NPAS3: variants seen among roughly 807,000 people sequenced by gnomAD.
The protein encoded by NPAS3 is neuronal PAS domain protein 3.
Under a neutral mutation model 73.1 loss-of-function variants are expected in NPAS3, and 14 were observed. The ratio of observed to expected loss-of-function variants is 0.19; its 90% confidence interval spans 0.13 to 0.30. NPAS3 has a LOEUF of 0.30. Among genes scored for constraint, NPAS3 ranks in the 10% least tolerant of loss-of-function variants. The pLI is 1.00. For synonymous variants in NPAS3, 620 were observed against 541.5 expected, an observed-to-expected ratio of 1.14 and a Z score of -2.01; for missense variants, 1,096 against 1,250.0, an observed-to-expected ratio of 0.88 and a Z score of 1.86.
intron 5 of NPAS3, among the ~76,000 whole-genome samples, chr14:33,656,219 G>A (rs74042361): frequency 4.0e-4 from 61 of 152,320 alleles, no homozygotes; most frequent in African/African-American, 1.4e-3. Flanking sequence ...ATTAAGTACT[G>A]TGCTAACTGT....
intron 2 of NPAS3, among the ~76,000 whole-genome samples, chr14:33,111,396 G>A (rs1341244110): frequency 6.6e-6 from 1 of 152,108 alleles, no homozygotes; most frequent in African/African-American, 2.4e-5. Flanking sequence ...AAGAATCCAG[G>A]CTTTTACAAA....
At chr14:32,952,574 C>T (rs1396297025) in intron 1 of NPAS3, among the ~76,000 whole-genome samples, 1 of 151,884 alleles carries the variant, frequency 6.6e-6, no homozygotes, top group Non-Finnish European at 1.5e-5. Context: ...AACAATGTCT[C>T]ATAGTGACAT....
At chr14:33,437,722 A>G (rs1566902691) in intron 4 of NPAS3, among the ~76,000 whole-genome samples, 3 of 152,224 alleles carry the variant, frequency 2.0e-5, no homozygotes, top group Admixed American at 6.5e-5. Flanking sequence ...CTTGTAGCCC[A>G]CATAGACACT....
chr14:32,994,630 G>GTTTTTT lies in NPAS3; in HGVS notation c.50+55269_50+55270insTTTTTT, dbSNP rs777136450. 4.5e-3 allele frequency among the ~76,000 whole-genome samples: 552 copies of GTTTTTT among 123,346 alleles called. 16 individuals carry two copies. The highest frequency in any genetic ancestry group is 8.3e-3 in the Middle Eastern group (2 of 242). 80.9% of individuals were successfully genotyped at this position (123,346 alleles called of 152,430 possible). On this transcript the variant is annotated intron_variant, in intron 1 of 11. Transcript: ENST00000356141. The stretch of plus-strand genomic sequence containing the variant: ...ATTCTAGTTTTTTGTTTGTTTGTTT[G>GTTTTTT]TTTTTGTTTTTTTTTTTTTGAGACA...
chr14:33,630,439 A>G (rs1231062988), intron 5 of NPAS3, among the ~76,000 whole-genome samples: 1 of 152,216 alleles, frequency 6.6e-6, no homozygotes, highest in Non-Finnish European at 1.5e-5. Context: ...TATCCCACTG[A>G]GATGTTTGAG....
chr14:33,634,530 G>A (rs922536123), intron 5 of NPAS3, among the ~76,000 whole-genome samples: 3 of 152,154 alleles, frequency 2.0e-5, no homozygotes, highest in African/African-American at 4.8e-5. Context: ...AAAAGAAGGC[G>A]GGCAGGGGGT....
chr14:33,177,109 T>TATC lies in NPAS3; in HGVS notation c.141-38072_141-38070dup, dbSNP rs1555350304. Among the ~76,000 whole-genome samples the TATC allele has an allele frequency of 2.3e-3, 334 of 145,174 alleles. 2 individuals carry two copies. Among genetic ancestry groups the TATC allele is most frequent in the African/African-American group, 7.8e-3 (303 of 39,040 alleles). The stretch of plus-strand genomic sequence containing the variant: ...TTATTATTATTATTATTATTATTAT[T>TATC]ATCTTTGAGACAGAGTCTTGCTCTG... On this transcript the variant is annotated intron_variant, in intron 2 of 11. Transcript: ENST00000356141.
chr14:32,974,010 G>T (rs185243949), intron 1 of NPAS3, among the ~76,000 whole-genome samples: 3 of 152,118 alleles, frequency 2.0e-5, no homozygotes, highest in African/African-American at 7.2e-5. Flanking sequence ...TGTATTAAAT[G>T]GATTTCTGTT....
chr14:33,649,274 T>TA (rs1216801686), intron 5 of NPAS3, among the ~76,000 whole-genome samples: 1 of 152,198 alleles, frequency 6.6e-6, no homozygotes, highest in Non-Finnish European at 1.5e-5. Context: ...ATAAGGCACT[T>TA]ACAGCAGCTG....
chr14:33,487,718 G>T (rs146850051), intron 4 of NPAS3, among the ~76,000 whole-genome samples: 18 of 152,210 alleles, frequency 1.2e-4, no homozygotes, highest in African/African-American at 4.3e-4. Flanking sequence ...TAAGCTTTTC[G>T]TGGAAAATGT....
intron 5 of NPAS3, among the ~76,000 whole-genome samples, chr14:33,578,539 A>G (rs2056539487): frequency 1.3e-5 from 2 of 152,166 alleles, no homozygotes; most frequent in Non-Finnish European, 2.9e-5. Context: ...CAGTGGGGCT[A>G]ATAATCTATC....
chr14:33,114,353 A>G (rs150584329), intron 2 of NPAS3, among the ~76,000 whole-genome samples: 2 of 151,972 alleles, frequency 1.3e-5, no homozygotes, highest in African/African-American at 4.8e-5. Context: ...TGATTTTTTA[A>G]TGTTATTCAG....
At chr14:33,660,971 G>T (rs541323221) in intron 5 of NPAS3, among the ~76,000 whole-genome samples, 54 of 152,070 alleles carry the variant, frequency 3.6e-4, no homozygotes, top group African/African-American at 1.3e-3. Context: ...TATGTGTTAA[G>T]AGTCTTTCTT....
chr14:33,179,075 C>T (rs1199728415), intron 2 of NPAS3, among the ~76,000 whole-genome samples: 2 of 151,992 alleles, frequency 1.3e-5, no homozygotes, highest in Non-Finnish European at 2.9e-5. Context: ...AACTTGATCA[C>T]GTGTGTTTTT....
chr14:33,755,168 T>C (rs2062077862), intron 7 of NPAS3, among the ~76,000 whole-genome samples: 1 of 152,226 alleles, frequency 6.6e-6, no homozygotes. Context: ...AGAGTTATTA[T>C]GAGGTTAATG....
chr14:33,792,726 C>T (rs958309955), intron 9 of NPAS3, among the ~76,000 whole-genome samples: 2 of 152,176 alleles, frequency 1.3e-5, no homozygotes, highest in South Asian at 4.1e-4. Flanking sequence ...ATGATTAATG[C>T]AAATACATAT....
rs1428222948 is a variant in NPAS3 at position 33,410,795 on chromosome 14, G to A, written c.468+43527G>A. On this transcript the variant is annotated intron_variant, in intron 4 of 11. Coordinates refer to ENST00000356141, the Ensembl canonical transcript of NPAS3. ...TGAGTAGCTGGGACTACAGGCATGC[G>A]CCACCACACCCGGCTAATTTTTGTA... Among the ~76,000 whole-genome samples, 10 of 152,054 alleles carry A rather than the reference G, an allele frequency of 6.6e-5. 1 individual carries two copies. The highest frequency in any genetic ancestry group is 2.1e-4 in the South Asian group (1 of 4,820).
At chr14:33,429,420 C>A (rs1373142359) in intron 4 of NPAS3, among the ~76,000 whole-genome samples, 1 of 151,996 alleles carries the variant, frequency 6.6e-6, no homozygotes, top group Non-Finnish European at 1.5e-5. Flanking sequence ...AGACCAAGCC[C>A]AACGACCTAG....
In NPAS3 at chr14:33,408,365, T is replaced by C. The variant is rs1303106417; in HGVS notation, c.468+41097T>C. Among the ~76,000 whole-genome samples the C allele has an allele frequency of 3.3e-5, 5 of 152,186 alleles. No homozygotes were observed. The East Asian group carries it at 7.7e-4, about 23-fold the overall frequency. ...ATTTCATCACTGGCCAAATTGTTCC[T>C]GATTCCACCTTGTCATAACCTCACA... On this transcript the variant is annotated intron_variant, in intron 4 of 11. Transcript: ENST00000356141.
Sources: gnomAD v4.1 joint callset for allele counts (sites outside exome capture counted in the v4.1 genomes callset) on GRCh38, gnomAD v4.1.1 for gene constraint, MANE v1.5 for transcripts, NCBI Gene and HGNC (gene_info 2026-07-23, HGNC 2026-07-21) for gene names.